The following NR4A3 variants were observed in gnomAD, a reference collection of about 807,000 sequenced individuals.
NR4A3 encodes chondrosarcoma, extraskeletal myxoid, fused to EWS.
NR4A3 carries 13 observed loss-of-function variants against 55.6 expected under a neutral mutation model. That is an observed-to-expected ratio of 0.23 (90% CI 0.15 to 0.37). The LOEUF is 0.37. NR4A3 is among the 10% of genes least tolerant of loss of function. NR4A3 has a pLI of 1.00. For missense variants in NR4A3, 646 were observed against 822.8 expected, an observed-to-expected ratio of 0.79 and a Z score of 2.63; for synonymous variants, 342 against 357.9, an observed-to-expected ratio of 0.96 and a Z score of 0.50.
intron 7 of NR4A3, among the ~76,000 whole-genome samples, chr9:99,860,345 T>G (rs1419255785): frequency 6.6e-6 from 1 of 152,196 alleles, no homozygotes; most frequent in African/African-American, 2.4e-5. Flanking sequence ...TTTCCAGTTT[T>G]TTGTTTGTTT....
chr9:99,848,474 A>G (rs924983494), intron 7 of NR4A3, among the ~76,000 whole-genome samples: 7 of 152,088 alleles, frequency 4.6e-5, no homozygotes, highest in African/African-American at 1.7e-4. Flanking sequence ...CCTCCTGAGT[A>G]GCTGGGATTA....
intron 2 of NR4A3, among the ~76,000 whole-genome samples, chr9:99,826,345 CTT>C (rs1170394508): frequency 2.6e-5 from 4 of 152,202 alleles, no homozygotes; most frequent in Admixed American, 2.0e-4. Context: ...TGTACCACCT[CTT>C]TACAAATTTG....
chr9:99,834,068 C>A, intron 5 of NR4A3: 1 of 1,037,076 alleles, frequency 9.6e-7, no homozygotes, highest in Non-Finnish European at 1.2e-6. Flanking sequence ...GAGGGGTGTT[C>A]TGAACACCAG....
At chr9:99,835,726 G>A (rs1827547777) in intron 5 of NR4A3, among the ~76,000 whole-genome samples, 2 of 152,188 alleles carry the variant, frequency 1.3e-5, no homozygotes. Context: ...CCAGCACTTT[G>A]AGTTGTCCCA....
At chr9:99,852,137 G>A (rs1162048978) in intron 7 of NR4A3, among the ~76,000 whole-genome samples, 1 of 152,156 alleles carries the variant, frequency 6.6e-6, no homozygotes, top group African/African-American at 2.4e-5. Flanking sequence ...AGAAGTGTTG[G>A]TCATGAATGA....
intron 5 of NR4A3, among the ~76,000 whole-genome samples, chr9:99,842,921 T>G (rs1827680477): frequency 6.6e-6 from 1 of 152,194 alleles, no homozygotes; most frequent in Non-Finnish European, 1.5e-5. Context: ...TCCCTACCCA[T>G]GAGGATCAGT....
intron 7 of NR4A3, among the ~76,000 whole-genome samples, chr9:99,861,384 G>T (rs746605399): frequency 6.6e-6 from 1 of 152,202 alleles, no homozygotes; most frequent in Non-Finnish European, 1.5e-5. Flanking sequence ...GCCAGGTGTG[G>T]TGGCACACAC....
At chr9:99,849,516 C>T (rs1226313594) in intron 7 of NR4A3, among the ~76,000 whole-genome samples, 2 of 152,174 alleles carry the variant, frequency 1.3e-5, no homozygotes, top group African/African-American at 4.8e-5. Context: ...AAGCATATTA[C>T]TTCATCAGGA....
chr9:99,841,755 C>A (rs1164707922), intron 5 of NR4A3, among the ~76,000 whole-genome samples: 1 of 122,374 alleles, frequency 8.2e-6, no homozygotes, highest in Non-Finnish European at 2.0e-5. Flanking sequence ...CCTGCCTAGG[C>A]AATATAGGAG....
chr9:99,834,132 GTGT>G, intron 5 of NR4A3: 1 of 786,916 alleles, frequency 1.3e-6, no homozygotes, highest in Non-Finnish European at 1.6e-6. Flanking sequence ...ATGACGATTG[GTGT>G]TGTTATAGTT....
At chr9:99,836,870 T>G (rs76864834) in intron 5 of NR4A3, among the ~76,000 whole-genome samples, 1 of 152,180 alleles carries the variant, frequency 6.6e-6, no homozygotes, top group Non-Finnish European at 1.5e-5. Flanking sequence ...TCACCAGCAT[T>G]TATTTTTTGT....
intron 7 of NR4A3, among the ~76,000 whole-genome samples, chr9:99,850,209 G>A (rs958316329): frequency 1.3e-5 from 2 of 152,206 alleles, no homozygotes; most frequent in African/African-American, 2.4e-5. Flanking sequence ...TTGTCCAAAG[G>A]AGCTTGATGG....
chr9:99,856,336 G>A (rs1374135750), intron 7 of NR4A3, among the ~76,000 whole-genome samples: 1 of 151,850 alleles, frequency 6.6e-6, no homozygotes, highest in Non-Finnish European at 1.5e-5. Context: ...CACATGCACA[G>A]TTCACAATAG....
chr9:99,865,642 CT>C lies in NR4A3; in HGVS notation c.*1780del. On this transcript the variant is annotated 3_prime_UTR_variant, in exon 8 of 8. Coordinates refer to ENST00000395097, the MANE Select transcript of NR4A3 (RefSeq NM_006981.4). The surrounding 1 kb of genome is among the most constrained non-coding windows in gnomAD (Gnocchi z 4.3). ...AGCTTTAAATCATTTTTGCTTTAGT[CT>C]TTTTAAAGGAAAATAACAAAACTAT... The C allele has an allele frequency of 5.2e-6, 1 of 192,052 alleles. No homozygotes were observed. Among genetic ancestry groups the C allele is most frequent in the Non-Finnish European group, 1.1e-5 (1 of 91,632 alleles). The allele number at this position is 192,052 out of a possible 1,614,324, so 11.9% of individuals were successfully genotyped here. A position where few individuals can be genotyped will look rare whatever the true frequency, so the allele number is the denominator to read the frequency against.
At chr9:99,833,143 C>T in intron 4 of NR4A3, 139 bp from the exon 5 acceptor site, 1 of 1,133,068 alleles carries the variant, frequency 8.8e-7, no homozygotes, top group Non-Finnish European at 1.2e-6. Context: ...GAATATTATT[C>T]CAAACTTATT....
Position 99,844,807 on chromosome 9 carries a change from A to G in NR4A3, c.1413A>G (p.Glu471=). The G allele has an allele frequency of 6.2e-7, 1 of 1,614,220 alleles. No homozygotes were observed. ...AAGAAGATCAGACATTACTTATTGA[A>G]TCAGCCTTTTTGGAGCTGTTTGTCC... ...LPKEDQTLLI[E]SAFLELFVLR... Residue 471 remains glutamate (E), a synonymous_variant, in exon 6 of 8, where the codon GAA becomes GAG. Coordinates refer to ENST00000395097, the MANE Select transcript of NR4A3 (RefSeq NM_006981.4).
At chr9:99,838,784 G>A (rs1159461495) in intron 5 of NR4A3, among the ~76,000 whole-genome samples, 1 of 152,192 alleles carries the variant, frequency 6.6e-6, no homozygotes, top group Non-Finnish European at 1.5e-5. Context: ...TGGGAAGAAG[G>A]AGAGGCAGGC....
Position 99,825,452 on chromosome 9 carries a change from G to T in NR4A3, c.-176-207G>T, listed in dbSNP as rs2118497082. ...CAGTGGGTTCCAACAACCTTTCCTCGGCTTCCCCGAGGCCGTGTGATGCTT... is the reference window on the plus strand; with the variant it reads ...CAGTGGGTTCCAACAACCTTTCCTCTGCTTCCCCGAGGCCGTGTGATGCTT... On this transcript the variant is annotated intron_variant, in intron 1 of 7. Transcript: ENST00000395097. The surrounding 1 kb of genome is among the most constrained non-coding windows in gnomAD (Gnocchi z 5.0). Among the ~76,000 whole-genome samples the T allele has an allele frequency of 6.6e-6, 1 of 152,180 alleles. No homozygotes were observed.
In NR4A3 at chr9:99,825,255, AC is replaced by A. The variant is rs368795564; in HGVS notation, c.-176-398del. ...TTTTTCCGCTGGTGAACACTCACTGACCCCCCGTATTCGGGCGGAGCTCGTT... is the reference window on the plus strand; with the variant it reads ...TTTTTCCGCTGGTGAACACTCACTGACCCCCGTATTCGGGCGGAGCTCGTT... On this transcript the variant is annotated intron_variant, in intron 1 of 7. Transcript: ENST00000395097. The surrounding 1 kb of genome is among the most constrained non-coding windows in gnomAD (Gnocchi z 5.0). Among the ~76,000 whole-genome samples the A allele has an allele frequency of 6.6e-6, 1 of 151,552 alleles. No individual in the cohort carries two copies. The highest frequency in any genetic ancestry group is 3.4e-3 in the Middle Eastern group (1 of 294).
Sources: gnomAD v4.1 joint callset for allele counts (sites outside exome capture counted in the v4.1 genomes callset) on GRCh38, gnomAD v4.1.1 for gene constraint, Gnocchi (gnomAD v3.1) non-coding constraint, MANE v1.5 for transcripts, NCBI Gene and HGNC (gene_info 2026-07-23, HGNC 2026-07-21) for gene names.